ANKRD36C: variants seen among roughly 807,000 people sequenced by gnomAD.
The protein encoded by ANKRD36C is ankyrin repeat domain 36C.
ANKRD36C carries 61 observed loss-of-function variants against 276.4 expected under a neutral mutation model. The observed-to-expected ratio is 0.22, with a 90% CI of 0.18 to 0.27. ANKRD36C has a LOEUF of 0.27. Among genes scored for constraint, ANKRD36C ranks in the 10% least tolerant of loss-of-function variants. ANKRD36C has a pLI of 1.00. For missense variants in ANKRD36C, 1,447 were observed against 2,032.3 expected (o/e 0.71, Z 5.54); for synonymous variants, 483 against 680.1 (o/e 0.71, Z 4.51).
intron 3 of ANKRD36C, among the ~76,000 whole-genome samples, chr2:95,984,581 A>AT (rs945342744): frequency 1.8e-4 from 27 of 151,764 alleles, no homozygotes; most frequent in South Asian, 4.2e-4. Context: ...TTAGTTTCAG[A>AT]TTTTTTTTTC....
At chr2:95,960,315 G>C (rs187903817) in intron 10 of ANKRD36C, among the ~76,000 whole-genome samples, 158 bp downstream of exon 10, 22 of 152,050 alleles carry the variant, frequency 1.4e-4, no homozygotes, top group African/African-American at 4.8e-4. Context: ...AAAATCAGCA[G>C]AATCACCATC....
chr2:95,866,896 AC>A (rs1675692893), intron 60 of ANKRD36C, among the ~76,000 whole-genome samples: 1 of 152,160 alleles, frequency 6.6e-6, no homozygotes, highest in Admixed American at 6.5e-5. Context: ...CACTAAAGCT[AC>A]TGATTGTAGG....
chr2:95,913,040 T>C (rs1440578991), intron 40 of ANKRD36C, among the ~76,000 whole-genome samples: 1 of 150,344 alleles, frequency 6.7e-6, no homozygotes, highest in Non-Finnish European at 1.5e-5. Flanking sequence ...ATAATTTGCC[T>C]AAGTTTCATG....
intron 19 of ANKRD36C, among the ~76,000 whole-genome samples, chr2:95,943,814 G>A (rs77162262): frequency 6.8e-6 from 1 of 147,444 alleles, no homozygotes; most frequent in Non-Finnish European, 1.5e-5. Flanking sequence ...TTTAAAAAGT[G>A]AGGATGAAAT....
intron 34 of ANKRD36C, among the ~76,000 whole-genome samples, chr2:95,918,302 A>T (rs990959992): frequency 6.6e-6 from 1 of 151,672 alleles, no homozygotes; most frequent in Non-Finnish European, 1.5e-5. Context: ...AACCGTGTCA[A>T]TCTCAATGTG....
chr2:95,971,055 C>T (rs900970277), intron 6 of ANKRD36C, among the ~76,000 whole-genome samples: 1 of 152,066 alleles, frequency 6.6e-6, no homozygotes, highest in Non-Finnish European at 1.5e-5. Flanking sequence ...TAATTGAATA[C>T]ATTCAACTGT....
At position 95,873,197 on chromosome 2, in the gene ANKRD36C, G is replaced by A. The variant is rs905877923; in HGVS notation, c.3540+3242C>T. Among the ~76,000 whole-genome samples the A allele has an allele frequency of 1.4e-3, 210 of 152,034 alleles. 1 individual carries two copies. Among genetic ancestry groups the A allele is most frequent in the African/African-American group, 4.6e-3 (190 of 41,480 alleles). ...CCAGCATCATCCTGATACCAAAGCC[G>A]GGCAGAGACACAACCAAAAAAGAGA... On this transcript the variant is annotated intron_variant, in intron 59 of 66. Transcript: ENST00000456556.
At chr2:95,928,749 C>T (rs1241395057) in intron 26 of ANKRD36C, among the ~76,000 whole-genome samples, 4 of 151,176 alleles carry the variant, frequency 2.6e-5, no homozygotes, top group African/African-American at 7.3e-5. Flanking sequence ...TACTTCATCT[C>T]GTTCTCTTTC....
chr2:95,944,390 C>T (rs1405698993), intron 19 of ANKRD36C, among the ~76,000 whole-genome samples: 6 of 152,180 alleles, frequency 3.9e-5, no homozygotes, highest in African/African-American at 1.4e-4. Flanking sequence ...CATATATTTC[C>T]CTTGTTGTCA....
In ANKRD36C at chr2:95,876,642, G is replaced by C. The variant is rs2104311331; in HGVS notation, c.3470-133C>G. 4 of 618,080 alleles carry C rather than the reference G, an allele frequency of 6.5e-6. No individual in the cohort carries two copies. The South Asian group carries it at 7.3e-5, about 11-fold the overall frequency. The allele number at this position is 618,080 out of a possible 1,614,324, so 38.3% of individuals were successfully genotyped here. On this transcript the variant is annotated intron_variant, in intron 58 of 66. Transcript: ENST00000456556. ...CGAGGCAGGTGGATCACGAGGTCAG[G>C]AGATCGAGACCATCCTGGCTAACAA...
intron 19 of ANKRD36C, 150 bp downstream of exon 19, chr2:95,944,477 T>C: frequency 1.4e-6 from 1 of 737,898 alleles, no homozygotes; most frequent in Non-Finnish European, 2.1e-6. Context: ...GACAGGGAGA[T>C]GGCAAGTGAA....
At chr2:95,946,573 A>T (rs1678057168) in intron 17 of ANKRD36C, among the ~76,000 whole-genome samples, 1 of 145,264 alleles carries the variant, frequency 6.9e-6, no homozygotes, top group Admixed American at 7.0e-5. Context: ...TACCCAAAGG[A>T]CTATAAATCA....
intron 10 of ANKRD36C, 149 bp downstream of exon 10, chr2:95,960,324 T>C (rs1308514721): frequency 1.0e-6 from 1 of 992,746 alleles, no homozygotes; most frequent in African/African-American, 1.7e-5. Flanking sequence ...AGAATCACCA[T>C]CACTCAAGAA....
At chr2:95,857,595 C>CTAAAATTAAT (rs1256468767) in intron 61 of ANKRD36C, 103 bp from the exon 82 acceptor site, 1 of 1,147,884 alleles carries the variant, frequency 8.7e-7, no homozygotes, top group East Asian at 2.5e-5. Context: ...GAGTCGTGCC[C>CTAAAATTAAT]TACAAACCAT....
At chr2:95,879,491 T>G (rs565584224) in intron 58 of ANKRD36C, among the ~76,000 whole-genome samples, 3 of 151,148 alleles carry the variant, frequency 2.0e-5, no homozygotes, top group African/African-American at 4.8e-5. Flanking sequence ...CTTGAGGTGA[T>G]GGATAACCCA....
At chr2:95,903,359 C>T (rs1219943721) in intron 42 of ANKRD36C, among the ~76,000 whole-genome samples, 2 of 150,302 alleles carry the variant, frequency 1.3e-5, no homozygotes, top group African/African-American at 2.4e-5. Flanking sequence ...GTGGATATGC[C>T]GAGTGATGAG....
At chr2:95,927,154 G>A in intron 28 of ANKRD36C, 60 bp downstream of exon 28, 2 of 1,595,400 alleles carry the variant, frequency 1.3e-6, no homozygotes, top group Non-Finnish European at 1.7e-6. Flanking sequence ...TTATTCCAGG[G>A]AAGAGAAGTA....
rs572541538 is a variant in ANKRD36C at position 95,883,021 on chromosome 2, T to G, written c.3266-524A>C. Among the ~76,000 whole-genome samples, 3 of 152,246 alleles carry G rather than the reference T, an allele frequency of 2.0e-5. No individual in the cohort carries two copies. In the South Asian group the frequency reaches 6.2e-4, roughly 32 times the overall value. On this transcript the variant is annotated intron_variant, in intron 54 of 66. Coordinates refer to ENST00000456556, the Ensembl canonical transcript of ANKRD36C. ...AAGTCCTCAGTGGAAGTGTCGCAGC[T>G]TCATCAGCTTGGATATAGGTTTGGA...
intron 34 of ANKRD36C, 60 bp from the exon 35 acceptor site, chr2:95,919,980 A>G: frequency 6.0e-6 from 9 of 1,493,404 alleles, no homozygotes; most frequent in Non-Finnish European, 8.1e-6. Flanking sequence ...TTATCCATAC[A>G]TTCACACAGT....
Sources: gnomAD v4.1 joint callset for allele counts (sites outside exome capture counted in the v4.1 genomes callset) on GRCh38, gnomAD v4.1.1 for gene constraint, MANE v1.5 for transcripts, NCBI Gene and HGNC (gene_info 2026-07-23, HGNC 2026-07-21) for gene names.